The following CBLN2 variants were observed in gnomAD, a reference collection of about 807,000 sequenced individuals.
CBLN2 encodes the protein cerebellin 2 precursor.
Under a neutral mutation model 15.0 loss-of-function variants are expected in CBLN2, and 7 were observed. That is an observed-to-expected ratio of 0.47 (90% CI 0.27 to 0.88). CBLN2 has a LOEUF of 0.88. CBLN2 is among the 40% of genes least tolerant of loss of function. CBLN2 has a pLI of 0.14. For synonymous variants in CBLN2, 149 were observed against 135.2 expected (o/e 1.10, Z -0.71); for missense variants, 242 against 304.5 (o/e 0.79, Z 1.53).
intron 3 of CBLN2, chr18:72,539,114 A>G: frequency 4.4e-6 from 1 of 227,282 alleles, no homozygotes. Context: ...ACAAATCCTA[A>G]ATTGAGTCCA....
At chr18:72,614,284 T>C (rs1030344456) in intron 1 of CBLN2, among the ~76,000 whole-genome samples, 23 of 152,188 alleles carry the variant, frequency 1.5e-4, no homozygotes, top group African/African-American at 5.1e-4. Context: ...ATTAACCAAA[T>C]TTCAGAATTA....
At chr18:72,571,329 A>G (rs117351396) in intron 1 of CBLN2, among the ~76,000 whole-genome samples, 2 of 152,308 alleles carry the variant, frequency 1.3e-5, no homozygotes, top group Non-Finnish European at 2.9e-5. Context: ...CAGTTCTTCA[A>G]TCAGTCCTGT....
rs2069138681 is a variant in CBLN2 at position 72,544,027 on chromosome 18, A to T, written c.-262T>A. ...CAGACGTCTCTTTTGAAAATTAGACACCCTTAAAAGCACCGGTCGCTTCTC... is the reference window on the plus strand; with the variant it reads ...CAGACGTCTCTTTTGAAAATTAGACTCCCTTAAAAGCACCGGTCGCTTCTC... On this transcript the variant is annotated 5_prime_UTR_variant, in exon 1 of 5. Transcript: ENST00000269503. 6.6e-6 allele frequency: 1 copy of T among 151,862 alleles called. No homozygotes were observed. The highest frequency in any genetic ancestry group is 2.1e-4 in the South Asian group (1 of 4,812). The allele number at this position is 151,862 out of a possible 1,614,324, so 9.4% of individuals were successfully genotyped here. A position where few individuals can be genotyped will look rare whatever the true frequency, so the allele number is the denominator to read the frequency against.
At chr18:72,593,574 C>T (rs146804160) in intron 1 of CBLN2, among the ~76,000 whole-genome samples, 2 of 152,212 alleles carry the variant, frequency 1.3e-5, no homozygotes, top group African/African-American at 4.8e-5. Flanking sequence ...ACAGGCATTC[C>T]TGTCTTGTTC....
intron 1 of CBLN2, among the ~76,000 whole-genome samples, chr18:72,550,939 G>A (rs112181418): frequency 0.012 from 1,854 of 152,064 alleles, 33 homozygotes; most frequent in African/African-American, 0.043. Context: ...CACGTTGTTT[G>A]CAGCTCTGCT....
chr18:72,591,825 A>C (rs1357395479), intron 1 of CBLN2, among the ~76,000 whole-genome samples: 2 of 152,134 alleles, frequency 1.3e-5, no homozygotes, highest in Admixed American at 6.5e-5. Flanking sequence ...AAATGACAGA[A>C]TCTCATTCTT....
upstream of CBLN2, among the ~76,000 whole-genome samples, chr18:72,547,939 G>A (rs563888345): frequency 7.3e-4 from 111 of 152,150 alleles, 2 homozygotes; most frequent in Non-Finnish European, 1.3e-3. Context: ...TTTAACATCC[G>A]GCGATTGTTC....
At chr18:72,616,246 C>T (rs1188171964) in intron 1 of CBLN2, among the ~76,000 whole-genome samples, 1 of 152,156 alleles carries the variant, frequency 6.6e-6, no homozygotes, top group South Asian at 2.1e-4. Flanking sequence ...TCCAGGAATC[C>T]CTTGTTTCAT....
At chr18:72,618,992 G>A in intron 1 of CBLN2, 1 of 768,470 alleles carries the variant, frequency 1.3e-6, no homozygotes, top group East Asian at 2.5e-5. Context: ...AGCGGGGATG[G>A]TCATCATGGA....
At chr18:72,593,641 G>T (rs2069494728) in intron 1 of CBLN2, among the ~76,000 whole-genome samples, 1 of 151,946 alleles carries the variant, frequency 6.6e-6, no homozygotes, top group African/African-American at 2.4e-5. Context: ...ACTAGCTCTT[G>T]GTCTGTCATA....
chr18:72,563,450 T>TC lies in CBLN2; in HGVS notation c.16-24679dup, dbSNP rs528629370. Among the ~76,000 whole-genome samples, 130 of 151,862 alleles carry TC rather than the reference T, an allele frequency of 8.6e-4. 5 individuals carry two copies. The South Asian group carries it at 0.023, about 27-fold the overall frequency. On this transcript the variant is annotated intron_variant, in intron 1 of 2. Transcript: ENST00000581073. The stretch of plus-strand genomic sequence containing the variant: ...GATAGCTGATTAGAGATGCCTAATT[T>TC]CCCCCCACCCCATAACACAAGGAGG...
Position 72,577,783 on chromosome 18 carries a change from A to G in CBLN2, c.16-39011T>C, listed in dbSNP as rs529652797. Among the ~76,000 whole-genome samples the G allele has an allele frequency of 3.9e-5, 6 of 152,204 alleles. No individual in the cohort carries two copies. The South Asian group carries it at 1.2e-3, about 31-fold the overall frequency. ...CATCTCGTGAGTTGCACATTTCAAT[A>G]TGTAGACGTAAATGTTGTTCACTGA... On this transcript the variant is annotated intron_variant, in intron 1 of 2. Transcript: ENST00000581073.
At chr18:72,549,853 C>A (rs1331004205) in intron 1 of CBLN2, among the ~76,000 whole-genome samples, 2 of 152,100 alleles carry the variant, frequency 1.3e-5, no homozygotes, top group African/African-American at 4.8e-5. Context: ...TTCAGTTCAT[C>A]TGCACATTAC....
Position 72,538,787 on chromosome 18 carries a change from G to A in CBLN2, c.358-15C>T, listed in dbSNP as rs764735540. 2.5e-6 allele frequency: 4 copies of A among 1,612,100 alleles called. No homozygotes were observed. The highest frequency in any genetic ancestry group is 1.6e-4 in the Middle Eastern group (1 of 6,076). On this transcript the variant is annotated splice_polypyrimidine_tract_variant and intron_variant, in intron 3 of 4. Transcript: ENST00000269503. ...TTTACTAATACCTGAAAAAGAAGAGGGAACACAGCACACAATGGCAAGCCC... is the reference window on the plus strand; with the variant it reads ...TTTACTAATACCTGAAAAAGAAGAGAGAACACAGCACACAATGGCAAGCCC...
At chr18:72,571,865 T>C (rs1460026656) in intron 1 of CBLN2, among the ~76,000 whole-genome samples, 1 of 152,184 alleles carries the variant, frequency 6.6e-6, no homozygotes, top group Admixed American at 6.5e-5. Context: ...TTTGATATAT[T>C]ATTGATTAAT....
intron 1 of CBLN2, among the ~76,000 whole-genome samples, chr18:72,596,780 C>CAA (rs2069516665): frequency 6.6e-6 from 1 of 152,192 alleles, no homozygotes; most frequent in Non-Finnish European, 1.5e-5. Context: ...GAGAAATCTG[C>CAA]TGCCAGATGT....
At chr18:72,620,744 A>G (rs1357408874) in intron 1 of CBLN2, among the ~76,000 whole-genome samples, 1 of 152,120 alleles carries the variant, frequency 6.6e-6, no homozygotes, top group African/African-American at 2.4e-5. Context: ...TCCTGCCTCT[A>G]TCATTGTATC....
intron 1 of CBLN2, among the ~76,000 whole-genome samples, chr18:72,572,548 G>A (rs2069339035): frequency 6.6e-6 from 1 of 152,128 alleles, no homozygotes; most frequent in African/African-American, 2.4e-5. Flanking sequence ...GTCCATGGCA[G>A]TAATCAACAA....
intron 1 of CBLN2, among the ~76,000 whole-genome samples, chr18:72,571,749 C>T (rs1214003188): frequency 6.6e-6 from 1 of 152,114 alleles, no homozygotes; most frequent in Admixed American, 6.5e-5. Context: ...GAATGTTGGC[C>T]ATATGGAATC....
Sources: allele counts gnomAD v4.1 joint callset (sites outside exome capture counted in the v4.1 genomes callset), GRCh38; gene constraint gnomAD v4.1.1; transcripts MANE v1.5; gene names NCBI Gene and HGNC (gene_info 2026-07-23, HGNC 2026-07-21).